The following NSMCE4A variants were observed in gnomAD, a reference collection of about 807,000 sequenced individuals.
NSMCE4A encodes the protein NSE4A component of SMC5/6 complex.
Under a neutral mutation model 47.9 loss-of-function variants are expected in NSMCE4A, and 40 were observed. The ratio of observed to expected loss-of-function variants is 0.83; its 90% CI spans 0.65 to 1.09. The LOEUF (loss-of-function observed/expected upper bound fraction) is 1.09. Among genes scored for constraint, NSMCE4A ranks in the 50% least tolerant of loss-of-function variants. The probability of loss-of-function intolerance (pLI) is 0.00; values close to 1 mark genes in which losing one functional copy is unlikely to be tolerated. For missense variants in NSMCE4A, 500 were observed against 507.0 expected (o/e 0.99, Z 0.13); for synonymous variants, 166 against 178.5 (o/e 0.93, Z 0.56).
intron 3 of NSMCE4A, among the ~76,000 whole-genome samples, chr10:121,970,051 T>C (rs572091623): frequency 5.3e-5 from 8 of 152,158 alleles, no homozygotes; most frequent in Non-Finnish European, 1.2e-4. Flanking sequence ...CAAAGTGAGA[T>C]ACAAGGTCAG....
chr10:121,965,441 TA>T, intron 4 of NSMCE4A, 56 bp from the exon 5 acceptor site: 1 of 1,303,116 alleles, frequency 7.7e-7, no homozygotes, highest in Non-Finnish European at 1.1e-6. Context: ...TTAAACAAAC[TA>T]ACTTTACTAA....
In NSMCE4A at chr10:121,967,716, A is replaced by T; in HGVS notation, c.592T>A (p.Trp198Arg). ...TCTGCTGTTCTGCCTGTTATCTTCC[A>T]GGAGTCATAGACTATGAATTCAAAA... ...PDFEFIVYDS[W>R]KITGRTAENT... Residue 198 changes from tryptophan to arginine, a missense_variant, in exon 4 of 11, where the codon TGG (tryptophan) becomes AGG (arginine). Trp to Arg is a moderately radical substitution (Grantham distance 101). Coordinates refer to ENST00000369023, the MANE Select transcript of NSMCE4A (RefSeq NM_017615.3). 9 of 1,614,118 alleles carry T rather than the reference A, an allele frequency of 5.6e-6. No individual in the cohort carries two copies. The highest frequency in any genetic ancestry group is 7.6e-6 in the Non-Finnish European group (9 of 1,179,980).
chr10:121,972,749 A>C (rs994753795), intron 2 of NSMCE4A, among the ~76,000 whole-genome samples: 14 of 152,168 alleles, frequency 9.2e-5, no homozygotes, highest in African/African-American at 3.4e-4. Flanking sequence ...GAGGGATTTA[A>C]CCAGGTGAAG....
intron 4 of NSMCE4A, chr10:121,967,385 A>C: frequency 2.9e-6 from 1 of 343,486 alleles, no homozygotes; most frequent in South Asian, 5.2e-5. Context: ...TTTGGTAGAG[A>C]TGGGTTCTCG....
intron 2 of NSMCE4A, among the ~76,000 whole-genome samples, chr10:121,973,529 C>G (rs1952758151): frequency 6.6e-6 from 1 of 152,226 alleles, no homozygotes; most frequent in African/African-American, 2.4e-5. Flanking sequence ...ACACCCCAGA[C>G]TGGAGACCAG....
intron 1 of NSMCE4A, chr10:121,974,395 C>T: frequency 1.0e-5 from 11 of 1,067,924 alleles, no homozygotes; most frequent in Non-Finnish European, 1.1e-5. Flanking sequence ...CACACCATCA[C>T]CTGGAGGGCC....
intron 6 of NSMCE4A, among the ~76,000 whole-genome samples, chr10:121,962,910 G>C (rs1398680053): frequency 6.6e-6 from 1 of 152,088 alleles, no homozygotes; most frequent in African/African-American, 2.4e-5. Flanking sequence ...AACTATTTAG[G>C]TAGGTGTGTA....
At chr10:121,964,095 C>CAAAAAAAA (rs143527895) in intron 5 of NSMCE4A, among the ~76,000 whole-genome samples, 110,475 of 117,190 alleles carry the variant, frequency 0.94, 52,262 homozygotes, top group East Asian at 0.99. Context: ...GACTCTGTCT[C>CAAAAAAAA]AAAAAAAATT....
rs1435699815 is a variant in NSMCE4A, at chr10:121,963,811, C to T, written c.754-483G>A. Among the ~76,000 whole-genome samples, 6 of 151,920 alleles carry T rather than the reference C, an allele frequency of 3.9e-5. No individual in the cohort carries two copies. The South Asian group carries it at 6.2e-4, about 16-fold the overall frequency. On this transcript the variant is annotated intron_variant, in intron 5 of 10. Transcript: ENST00000369023. ...AGGAGAATGGCATGAACCCGGGAGG[C>T]GGAGCTTGCAGTGAGCCGACATCGC... is the stretch of plus-strand genomic sequence containing the variant.
chr10:121,970,252 C>T (rs1196199439), intron 3 of NSMCE4A, among the ~76,000 whole-genome samples: 1 of 151,744 alleles, frequency 6.6e-6, no homozygotes, highest in Non-Finnish European at 1.5e-5. Flanking sequence ...GCGGGCAGAT[C>T]ACGAGATCAG....
chr10:121,969,924 C>T (rs903347240), intron 3 of NSMCE4A, among the ~76,000 whole-genome samples: 1 of 152,084 alleles, frequency 6.6e-6, no homozygotes, highest in Non-Finnish European at 1.5e-5. Flanking sequence ...CCATGGTGGC[C>T]AGGCTGGTCT....
Position 121,975,125 on chromosome 10 carries a change from C to A in NSMCE4A, c.41G>T (p.Gly14Val). 1 of 1,420,730 alleles carries A rather than the reference C, an allele frequency of 7.0e-7. No homozygotes were observed. 88.0% of individuals were successfully genotyped at this position (1,420,730 alleles called of 1,614,324 possible). ...DSSGRGPEGRGRGRDPHRDRT... is the reference protein window; with the variant it reads ...DSSGRGPEGRVRGRDPHRDRT... ...ATCCCGATGCGGGTCGCGGCCCCGG[C>A]CCCGGCCCTCTGGCCCGCGGCCGCT... is the stretch of plus-strand genomic sequence containing the variant. The change falls in exon 1 of 11, where the codon GGC (glycine) becomes GTC (valine). Residue 14 changes from glycine to valine, a missense_variant. Gly to Val is a moderately radical substitution (Grantham distance 109). Coordinates refer to ENST00000369023, the MANE Select transcript of NSMCE4A (RefSeq NM_017615.3).
At chr10:121,966,559 C>T (rs1952610435) in intron 4 of NSMCE4A, 1 of 152,106 alleles carries the variant, frequency 6.6e-6, no homozygotes, top group African/African-American at 2.4e-5. Flanking sequence ...ACCTGAGTTA[C>T]CTGAAGTCTT....
At chr10:121,966,880 T>C (rs1311676220) in intron 4 of NSMCE4A, 1 of 152,074 alleles carries the variant, frequency 6.6e-6, no homozygotes, top group African/African-American at 2.4e-5. Context: ...TAAAGAAATC[T>C]TTTTTTTAAA....
At chr10:121,963,960 G>A (rs111784355) in intron 5 of NSMCE4A, among the ~76,000 whole-genome samples, 7 of 151,300 alleles carry the variant, frequency 4.6e-5, no homozygotes, top group African/African-American at 1.7e-4. Flanking sequence ...GCCGGGCATG[G>A]TGGTGCCTGC....
chr10:121,963,644 AT>A (rs1952545131), intron 5 of NSMCE4A, among the ~76,000 whole-genome samples: 1 of 147,850 alleles, frequency 6.8e-6, no homozygotes, highest in African/African-American at 2.4e-5. Context: ...CACCTGGCTA[AT>A]TAAAAAAAAT....
intron 1 of NSMCE4A, 148 bp downstream of exon 1, chr10:121,974,726 C>G: frequency 8.8e-7 from 1 of 1,140,628 alleles, no homozygotes; most frequent in South Asian, 4.4e-5. Flanking sequence ...ATTTAAGGTG[C>G]GGCGAGGGGC....
chr10:121,973,408 ACCAATACCACTG>A (rs749831793), intron 2 of NSMCE4A, among the ~76,000 whole-genome samples: 1 of 152,140 alleles, frequency 6.6e-6, no homozygotes, highest in African/African-American at 2.4e-5. Flanking sequence ...GACAGCTGCT[ACCAATACCACTG>A]CCTCTGCTTT....
In NSMCE4A at chr10:121,960,088, C is replaced by T. The variant is rs1952471169; in HGVS notation, c.988+270G>A. 6.1e-6 allele frequency: 2 copies of T among 327,464 alleles called. No individual in the cohort carries two copies. Among genetic ancestry groups the T allele is most frequent in the Non-Finnish European group, 1.1e-5 (2 of 183,356 alleles). 20.3% of individuals were successfully genotyped at this position (327,464 alleles called of 1,614,324 possible). A position where few individuals can be genotyped will look rare whatever the true frequency, so the allele number is the denominator to read the frequency against. On this transcript the variant is annotated intron_variant, in intron 8 of 10. Coordinates refer to ENST00000369023, the MANE Select transcript of NSMCE4A (RefSeq NM_017615.3). The surrounding 1 kb of genome is among the most constrained non-coding windows in gnomAD (Gnocchi z 4.2). ...AAGAGGGATACTACAAAAATGACTGCAATCACCAACTTTCTAAATTAAGAT... is the reference window on the plus strand; with the variant it reads ...AAGAGGGATACTACAAAAATGACTGTAATCACCAACTTTCTAAATTAAGAT...
Sources: gnomAD v4.1 joint callset for allele counts (sites outside exome capture counted in the v4.1 genomes callset) on GRCh38, gnomAD v4.1.1 for gene constraint, Gnocchi (gnomAD v3.1) non-coding constraint, MANE v1.5 for transcripts, NCBI Gene and HGNC (gene_info 2026-07-23, HGNC 2026-07-21) for gene names.